RANBP2: variants seen among roughly 807,000 people sequenced by gnomAD.
RANBP2 encodes E3 SUMO-protein ligase RanBP2.
A neutral mutation model predicts 303.6 loss-of-function variants in RANBP2; 57 were observed. The observed-to-expected ratio is 0.19, with a 90% CI of 0.15 to 0.23. The LOEUF is 0.23. Among genes scored for constraint, RANBP2 ranks in the 10% least tolerant of loss-of-function variants. The pLI is 1.00. For missense variants in RANBP2, 3,138 were observed against 3,780.8 expected (o/e 0.83, Z 4.46); for synonymous variants, 1,167 against 1,301.5 (o/e 0.90, Z 2.23).
the RANBP2 span, among the ~76,000 whole-genome samples, chr2:108,828,052 G>C: frequency 1.3e-5 from 2 of 151,856 alleles, no homozygotes; most frequent in Non-Finnish European, 2.9e-5. Context: ...GATAAAGGTA[G>C]CATGTTAAAT....
the RANBP2 span, among the ~76,000 whole-genome samples, chr2:108,977,384 TC>T: frequency 2.6e-5 from 4 of 152,202 alleles, no homozygotes; most frequent in African/African-American, 9.7e-5. Flanking sequence ...TTCTCCTGCC[TC>T]AGCCTCCCAA....
At chr2:109,446,596 C>T in the RANBP2 span, among the ~76,000 whole-genome samples, 3 of 152,088 alleles carry the variant, frequency 2.0e-5, no homozygotes, top group Non-Finnish European at 4.4e-5. Flanking sequence ...TCCAGGCACC[C>T]GAGGGTCCCA....
At chr2:109,338,125 C>T in the RANBP2 span, among the ~76,000 whole-genome samples, 3 of 152,266 alleles carry the variant, frequency 2.0e-5, no homozygotes, top group Non-Finnish European at 4.4e-5. Flanking sequence ...GGTAGCTTCC[C>T]GAGTCGGAAG....
At chr2:108,772,179 G>C (rs1677554653) in intron 21 of RANBP2, among the ~76,000 whole-genome samples, 1 of 152,132 alleles carries the variant, frequency 6.6e-6, no homozygotes, top group South Asian at 2.1e-4. Flanking sequence ...AGGTTCCAGT[G>C]GAAAACTTTG....
chr2:108,973,556 TGTGA>T, the RANBP2 span, among the ~76,000 whole-genome samples: 1 of 152,306 alleles, frequency 6.6e-6, no homozygotes, highest in Admixed American at 6.5e-5. Flanking sequence ...ATTTCCAGCC[TGTGA>T]GTGTGGCTCC....
chr2:109,554,260 G>A, the RANBP2 span, among the ~76,000 whole-genome samples: 24 of 152,262 alleles, frequency 1.6e-4, no homozygotes, highest in Middle Eastern at 6.8e-3. Flanking sequence ...CTACCACGAT[G>A]TAATTCAAAA....
chr2:108,956,759 G>T, the RANBP2 span, among the ~76,000 whole-genome samples: 2 of 151,382 alleles, frequency 1.3e-5, no homozygotes, highest in Non-Finnish European at 2.9e-5. Context: ...AAGTTTTGAA[G>T]CTCAGCAGGA....
At chr2:108,990,437 CAAAAAAAAAA>C in the RANBP2 span, among the ~76,000 whole-genome samples, 10 of 70,630 alleles carry the variant, frequency 1.4e-4, no homozygotes, top group African/African-American at 5.8e-4. Flanking sequence ...GACTCCGTCT[CAAAAAAAAAA>C]AAAAAAAAAA....
At chr2:108,788,500 G>A (rs570627416), downstream of RANBP2, among the ~76,000 whole-genome samples, 2 of 151,990 alleles carry the variant, frequency 1.3e-5, no homozygotes, top group South Asian at 2.1e-4. Flanking sequence ...GGCGGATCAC[G>A]AGGTCAGGAG....
At chr2:109,517,953 T>C in the RANBP2 span, among the ~76,000 whole-genome samples, 1 of 152,114 alleles carries the variant, frequency 6.6e-6, no homozygotes, top group African/African-American at 2.4e-5. Flanking sequence ...GGAGCTCGAG[T>C]CCCATTTGAG....
the RANBP2 span, among the ~76,000 whole-genome samples, chr2:108,971,527 G>A: frequency 6.6e-6 from 1 of 152,120 alleles, no homozygotes; most frequent in African/African-American, 2.4e-5. Flanking sequence ...AACTCCCCAG[G>A]CATTCTAGCA....
At chr2:109,648,584 C>G in the RANBP2 span, among the ~76,000 whole-genome samples, 1 of 151,764 alleles carries the variant, frequency 6.6e-6, no homozygotes, top group South Asian at 2.1e-4. Flanking sequence ...CTCAGGTGAT[C>G]CACCCGCCTT....
the RANBP2 span, among the ~76,000 whole-genome samples, chr2:109,584,197 C>T: frequency 6.6e-6 from 1 of 152,068 alleles, no homozygotes; most frequent in South Asian, 2.1e-4. Context: ...GGAAATAAGA[C>T]TGGGCGCAGT....
At chr2:108,910,702 G>T in the RANBP2 span, 4 of 1,548,990 alleles carry the variant, frequency 2.6e-6, no homozygotes, top group South Asian at 4.5e-5. Flanking sequence ...CAGCGAGGAG[G>T]CTGCTTCTGG....
At chr2:109,498,973 A>G in the RANBP2 span, among the ~76,000 whole-genome samples, 2 of 152,134 alleles carry the variant, frequency 1.3e-5, no homozygotes, top group Non-Finnish European at 2.9e-5. Flanking sequence ...GGAAGGGCGC[A>G]GTGTGGAGGG....
the RANBP2 span, among the ~76,000 whole-genome samples, chr2:108,867,432 T>C: frequency 6.6e-6 from 1 of 152,192 alleles, no homozygotes; most frequent in Non-Finnish European, 1.5e-5. Flanking sequence ...GGTTCAAAAC[T>C]GGAAAAATGG....
chr2:108,744,691 A>G (rs1696376535), intron 7 of RANBP2, among the ~76,000 whole-genome samples: 1 of 152,260 alleles, frequency 6.6e-6, no homozygotes, highest in African/African-American at 2.4e-5. Flanking sequence ...AGAAGCTTTT[A>G]GGTTCATAAA....
At chr2:109,560,092 T>C in the RANBP2 span, among the ~76,000 whole-genome samples, 1 of 151,920 alleles carries the variant, frequency 6.6e-6, no homozygotes, top group East Asian at 1.9e-4. Context: ...AGCTAATTTT[T>C]TGTATTTTTA....
chr2:109,346,420 C>T, the RANBP2 span, among the ~76,000 whole-genome samples: 3 of 152,158 alleles, frequency 2.0e-5, no homozygotes, highest in African/African-American at 7.2e-5. Context: ...GATTCGAATA[C>T]TGAAGAACTC....
Sources: gnomAD v4.1 joint callset for allele counts (sites outside exome capture counted in the v4.1 genomes callset) on GRCh38, gnomAD v4.1.1 for gene constraint, MANE v1.5 for transcripts, NCBI Gene and HGNC (gene_info 2026-07-23, HGNC 2026-07-21) for gene names.